The following SUN2 variants were observed in gnomAD, a reference collection of about 807,000 sequenced individuals.
The protein encoded by SUN2 is Sad1 and UNC84 domain containing 2, also known as SUN domain-containing protein 2.
A neutral mutation model predicts 100.0 loss-of-function variants in SUN2; 60 were observed. The observed-to-expected ratio is 0.60, with a 90% confidence interval of 0.49 to 0.74. The LOEUF (loss-of-function observed/expected upper bound fraction) is 0.74. Among genes scored for constraint, SUN2 ranks in the 30% least tolerant of loss-of-function variants. The pLI, the probability that SUN2 is intolerant of heterozygous loss-of-function variation, is 0.00. For missense variants in SUN2, 834 were observed against 954.6 expected (o/e 0.87, Z 1.66); for synonymous variants, 367 against 403.3 (o/e 0.91, Z 1.08).
intron 1 of SUN2, chr22:38,754,999 A>G: frequency 2.3e-6 from 3 of 1,278,750 alleles, no homozygotes; most frequent in Non-Finnish European, 3.1e-6. Context: ...GAATCATAAT[A>G]GACACCACCC....
intron 5 of SUN2, 75 bp from the exon 6 acceptor site, chr22:38,749,934 C>T: frequency 7.0e-7 from 1 of 1,424,110 alleles, no homozygotes; most frequent in Non-Finnish European, 9.5e-7. Context: ...GTCTGCCGTC[C>T]TCCCTGCCCC....
At chr22:38,736,562 C>A (rs1002413273) in intron 17 of SUN2, 182 bp from the exon 18 acceptor site, 2 of 490,366 alleles carry the variant, frequency 4.1e-6, no homozygotes, top group South Asian at 3.3e-5. Flanking sequence ...GTGTTTCCAG[C>A]CAGTGGGTTA....
chr22:38,737,775 C>T lies in SUN2; in HGVS notation c.2040+398G>A, dbSNP rs529970603. 5 of 395,364 alleles carry T rather than the reference C, an allele frequency of 1.3e-5. No homozygotes were observed. Among genetic ancestry groups the T allele is most frequent in the East Asian group, 6.9e-5 (1 of 14,432 alleles). 24.5% of individuals were successfully genotyped at this position (395,364 alleles called of 1,614,324 possible). ...TGCATTTCTAACTGACTTAGGAGAT[C>T]GGATGCCCACTGAAGTTTAAGCCGC... On this transcript the variant is annotated intron_variant, in intron 17 of 17. Coordinates refer to ENST00000689035, the MANE Select transcript of SUN2 (RefSeq NM_015374.3). This position sits in a 1 kb window ranked among gnomAD's most constrained non-coding sequence, Gnocchi z 4.1.
At chr22:38,754,824 C>G in intron 1 of SUN2, 1 of 1,286,854 alleles carries the variant, frequency 7.8e-7, no homozygotes, top group Non-Finnish European at 1.0e-6. Flanking sequence ...CAGCACCCGC[C>G]TCCGCCCTCC....
At chr22:38,743,824 T>C (rs2092880100) in intron 8 of SUN2, 1 of 152,222 alleles carries the variant, frequency 6.6e-6, no homozygotes, top group African/African-American at 2.4e-5. Flanking sequence ...GGAAAAGTCA[T>C]AGATGACATG....
At position 38,750,989 on chromosome 22, in the gene SUN2, C is replaced by T. The variant is rs772494839; in HGVS notation, c.333G>A (p.Glu111=). ...CCACAAGCCCGCTGGCCCTGCTGCT[C>T]TCTGAGCCACCCGTGCCTCTCCTCC... is the stretch of plus-strand genomic sequence containing the variant. ...VRRRRGTGGS[E]SSRASGLVGR... The change falls in exon 4 of 18, where the codon GAG becomes GAA. Residue 111 remains glutamate (E), a synonymous_variant. Coordinates refer to ENST00000689035, the MANE Select transcript of SUN2 (RefSeq NM_015374.3). 20 of 1,613,722 alleles carry T rather than the reference C, an allele frequency of 1.2e-5. No homozygotes were observed. The Admixed American group carries it at 2.0e-4, about 16-fold the overall frequency.
intron 9 of SUN2, 95 bp from the exon 10 acceptor site, chr22:38,741,666 C>A: frequency 8.4e-7 from 1 of 1,186,042 alleles, no homozygotes; most frequent in South Asian, 1.3e-5. Context: ...CAAACAAGGT[C>A]TGTTTGCTTC....
intron 6 of SUN2, 37 bp from the exon 7 acceptor site, chr22:38,748,820 G>A: frequency 6.2e-7 from 1 of 1,608,352 alleles, no homozygotes; most frequent in South Asian, 1.1e-5. Flanking sequence ...GGGAGGCGGA[G>A]GTGTGAGGGG....
At chr22:38,754,162 A>T (rs959349416) in intron 1 of SUN2, among the ~76,000 whole-genome samples, 1 of 152,200 alleles carries the variant, frequency 6.6e-6, no homozygotes, top group African/African-American at 2.4e-5. Context: ...CATGAGGAAG[A>T]TTAATGAACC....
Position 38,749,886 on chromosome 22 carries a change from G to C in SUN2, c.521-27C>G, listed in dbSNP as rs374922536. ...TGGAAGAATGACCATCAAGCCGAAG[G>C]CTCCATATGGTGTTTGGGGGCACCG... On this transcript the variant is annotated intron_variant, in intron 5 of 17. Transcript: ENST00000689035. The C allele has an allele frequency of 4.4e-5, 71 of 1,599,820 alleles. No homozygotes were observed. In the African/African-American group the frequency reaches 4.6e-4, roughly 10 times the overall value.
chr22:38,738,199 C>T lies in SUN2; in HGVS notation c.2014G>A (p.Glu672Lys), dbSNP rs1569294231. 14 of 1,613,966 alleles carry T rather than the reference C, an allele frequency of 8.7e-6. No homozygotes were observed. The highest frequency in any genetic ancestry group is 2.2e-5 in the East Asian group (1 of 44,866). Reference protein sequence around the residue: ...LGKFTYDQDGEPIQTFHFQAP... With the variant: ...LGKFTYDQDGKPIQTFHFQAP... ...TGAAAGTGAAACGTCTGAATAGGCT[C>T]GCCGTCCTGATCGTAAGTGAACTTG... is the stretch of plus-strand genomic sequence containing the variant. Residue 672 changes from glutamate (E) to lysine (K), a missense_variant, in exon 17 of 18, where the codon GAG (glutamate) becomes AAG (lysine). Coordinates refer to ENST00000689035, the MANE Select transcript of SUN2 (RefSeq NM_015374.3). The surrounding 1 kb of genome is among the most constrained non-coding windows in gnomAD (Gnocchi z 6.6).
At chr22:38,744,655 C>G (rs545917468) in intron 8 of SUN2, among the ~76,000 whole-genome samples, 5 of 152,326 alleles carry the variant, frequency 3.3e-5, no homozygotes, top group African/African-American at 1.2e-4. Context: ...GGTCAAATAA[C>G]CATAATTAGA....
rs966907675 is a variant in SUN2, at chr22:38,755,064, T to C, written c.-38+699A>G. ...AGGAAACGCTCATCGGAAAGCATCC[T>C]TCCCCACTTCTCAGCTGGGCGACTT... On this transcript the variant is annotated intron_variant, in intron 1 of 17. Coordinates refer to ENST00000689035, the MANE Select transcript of SUN2 (RefSeq NM_015374.3). The surrounding 1 kb of genome is among the most constrained non-coding windows in gnomAD (Gnocchi z 5.7). 30 of 1,039,488 alleles carry C rather than the reference T, an allele frequency of 2.9e-5. No homozygotes were observed. In the African/African-American group the frequency reaches 4.7e-4, roughly 16 times the overall value. 64.4% of individuals were successfully genotyped at this position (1,039,488 alleles called of 1,614,324 possible).
chr22:38,736,421 T>C, intron 17 of SUN2, 41 bp from the exon 18 acceptor site: 3 of 1,532,042 alleles, frequency 2.0e-6, no homozygotes, highest in Non-Finnish European at 2.7e-6. Context: ...CAGAGACCTG[T>C]GAGGCCTCAC....
In SUN2 at chr22:38,735,594, C is replaced by T; in HGVS notation, c.*673G>A. On this transcript the variant is annotated 3_prime_UTR_variant, in exon 18 of 18. Transcript: ENST00000689035. ...GCAGAGGGGAAGCCTACAGGGTTGG[C>T]CCTGGGCCCCTTAGAAGATCACAGC... is the stretch of plus-strand genomic sequence containing the variant. 5.1e-6 allele frequency: 1 copy of T among 197,934 alleles called. No homozygotes were observed. The highest frequency in any genetic ancestry group is 1.1e-5 in the Non-Finnish European group (1 of 93,718). The allele number at this position is 197,934 out of a possible 1,614,324, so 12.3% of individuals were successfully genotyped here.
chr22:38,739,938 T>G lies in SUN2; in HGVS notation c.1362A>C (p.Glu454Asp), dbSNP rs778350201. ...QQIQAVRDDV[E>D]SQFPAWISQF... The stretch of plus-strand genomic sequence containing the variant: ...GACTGATCCAGGCCGGGAACTGAGA[T>G]TCCACCTATAGGAACCCAAAGGGGT... The change falls in exon 13 of 18, where the codon GAA (glutamate) becomes GAC (aspartate). Residue 454 changes from glutamate (E) to aspartate (D), a missense_variant. Glu to Asp is a conservative substitution (Grantham distance 45). Transcript: ENST00000689035. This position sits in a 1 kb window ranked among gnomAD's most constrained non-coding sequence, Gnocchi z 6.7. The G allele has an allele frequency of 1.2e-6, 2 of 1,610,642 alleles. No homozygotes were observed. The highest frequency in any genetic ancestry group is 1.7e-6 in the Non-Finnish European group (2 of 1,179,924).
Position 38,738,134 on chromosome 22 carries a change from A to C in SUN2, c.2040+39T>G. 6.3e-7 allele frequency: 1 copy of C among 1,584,400 alleles called. No homozygotes were observed. The highest frequency in any genetic ancestry group is 1.7e-5 in the Admixed American group (1 of 59,974). ...GGGAGCACCTGCTGCCTGGATGGGG[A>C]GTCTGCGCCACTTCTGCTAGCACAG... On this transcript the variant is annotated intron_variant, in intron 17 of 17. Coordinates refer to ENST00000689035, the MANE Select transcript of SUN2 (RefSeq NM_015374.3). This position sits in a 1 kb window ranked among gnomAD's most constrained non-coding sequence, Gnocchi z 6.6.
Position 38,742,158 on chromosome 22 carries a change from AAAG to A in SUN2, c.1068+140_1068+142del, listed in dbSNP as rs1188667936. ...ATATTGTCTCAAAAAGAAAAAAAAAAAAGAAAAAAAGAGAAAGGGAGTAACTGC... is the reference window on the plus strand; with the variant it reads ...ATATTGTCTCAAAAAGAAAAAAAAAAAAAAAAAGAGAAAGGGAGTAACTGC... On this transcript the variant is annotated intron_variant, in intron 9 of 17. Coordinates refer to ENST00000689035, the MANE Select transcript of SUN2 (RefSeq NM_015374.3). 1.3e-4 allele frequency: 147 copies of A among 1,133,090 alleles called. No homozygotes were observed. In the African/African-American group the frequency reaches 1.7e-3, roughly 13 times the overall value. The allele number at this position is 1,133,090 out of a possible 1,614,324, so 70.2% of individuals were successfully genotyped here. A position where few individuals can be genotyped will look rare whatever the true frequency, so the allele number is the denominator to read the frequency against.
At chr22:38,741,878 C>T (rs2092861021) in intron 9 of SUN2, among the ~76,000 whole-genome samples, 1 of 152,216 alleles carries the variant, frequency 6.6e-6, no homozygotes, top group African/African-American at 2.4e-5. Context: ...TGGTGGCTCA[C>T]GCCTGTAATC....
Sources: allele counts gnomAD v4.1 joint callset (sites outside exome capture counted in the v4.1 genomes callset), GRCh38; gene constraint gnomAD v4.1.1; non-coding constraint Gnocchi (gnomAD v3.1); transcripts MANE v1.5; gene names NCBI Gene and HGNC (gene_info 2026-07-23, HGNC 2026-07-21).